SLC2A9: variants seen among roughly 807,000 people sequenced by gnomAD.
The protein encoded by SLC2A9 is solute carrier family 2 member 9, also known as solute carrier family 2, facilitated glucose transporter member 9.
A neutral mutation model predicts 50.6 loss-of-function variants in SLC2A9; 39 were observed. The observed-to-expected ratio is 0.77, with a 90% CI of 0.60 to 1.01. SLC2A9 has a LOEUF of 1.01. Ranked by LOEUF, SLC2A9 falls within the 50% of genes least tolerant of loss-of-function variation. SLC2A9 has a pLI of 0.00. For synonymous variants in SLC2A9, 324 were observed against 276.9 expected (o/e 1.17, Z -1.69); for missense variants, 686 against 677.6 (o/e 1.01, Z -0.14).
At chr4:9,920,606 G>C (rs760911947) in intron 6 of SLC2A9, 34 bp from the exon 7 acceptor site, 1 of 1,613,052 alleles carries the variant, frequency 6.2e-7, no homozygotes, top group East Asian at 2.2e-5. Flanking sequence ...CTTTCAGCAG[G>C]GATTAGAGTG....
intron 3 of SLC2A9, among the ~76,000 whole-genome samples, chr4:9,788,356 A>ATTTTTTT (rs36144026): frequency 7.3e-6 from 1 of 136,872 alleles, no homozygotes; most frequent in Non-Finnish European, 1.5e-5. Flanking sequence ...TGCCCAGGTA[A>ATTTTTTT]TTTTTTTTTT....
intron 10 of SLC2A9, among the ~76,000 whole-genome samples, chr4:9,873,731 G>A (rs1733821728): frequency 6.6e-6 from 1 of 152,192 alleles, no homozygotes; most frequent in African/African-American, 2.4e-5. Context: ...TGAGATCAAA[G>A]AAGCCTGGGC....
chr4:10,012,877 C>T (rs1483602385), intron 2 of SLC2A9, among the ~76,000 whole-genome samples: 1 of 152,112 alleles, frequency 6.6e-6, no homozygotes, highest in Non-Finnish European at 1.5e-5. Context: ...GCCCCAGGTA[C>T]CGTGTAAGTC....
intron 5 of SLC2A9, among the ~76,000 whole-genome samples, chr4:9,957,906 T>C (rs1751585337): frequency 1.3e-5 from 2 of 152,018 alleles, no homozygotes; most frequent in Admixed American, 1.3e-4. Context: ...AACATAATGA[T>C]CTAGAATGAA....
downstream of SLC2A9, among the ~76,000 whole-genome samples, chr4:9,775,283 C>G (rs1175114663): frequency 6.6e-6 from 1 of 152,158 alleles, no homozygotes; most frequent in African/African-American, 2.4e-5. Context: ...CTCTCATGAG[C>G]AAAGTTTCCA....
intron 7 of SLC2A9, among the ~76,000 whole-genome samples, chr4:9,917,505 A>G (rs539664906): frequency 6.6e-5 from 10 of 151,542 alleles, no homozygotes; most frequent in Non-Finnish European, 1.2e-4. Flanking sequence ...GCTAATTTTT[A>G]TATTTAGTAG....
rs779863644 is a variant in SLC2A9 at position 9,826,439 on chromosome 4, G to A, written c.1581C>T (p.Ile527=). ...RNKAYPPEEK[I]DSAVTDGKIN... is the part of the protein sequence containing the mutation. The stretch of plus-strand genomic sequence containing the variant: ...TCTTACCATCAGTGACAGCTGAGTC[G>A]ATTTTCTCTTCTGGTGGGTATGCTT... The change falls in exon 12 of 12, where the codon ATC becomes ATT. Residue 527 remains isoleucine, a synonymous_variant. Transcript: ENST00000264784. 1.1e-5 allele frequency: 17 copies of A among 1,614,052 alleles called. No homozygotes were observed. Among genetic ancestry groups the A allele is most frequent in the South Asian group, 2.2e-5 (2 of 91,072 alleles).
downstream of SLC2A9, among the ~76,000 whole-genome samples, chr4:9,779,117 A>G (rs568952945): frequency 2.6e-5 from 4 of 152,276 alleles, no homozygotes; most frequent in South Asian, 6.2e-4. Context: ...CCCAGATGAG[A>G]GAACTGAAGC....
chr4:9,997,529 G>C (rs1225625669), intron 2 of SLC2A9, among the ~76,000 whole-genome samples: 1 of 152,126 alleles, frequency 6.6e-6, no homozygotes, highest in Non-Finnish European at 1.5e-5. Flanking sequence ...GTGAAACCCT[G>C]TCTCTACTAA....
At chr4:9,941,810 T>C (rs1188908590) in intron 6 of SLC2A9, 103 bp downstream of exon 6, 19 of 1,530,578 alleles carry the variant, frequency 1.2e-5, no homozygotes, top group Non-Finnish European at 1.7e-5. Flanking sequence ...AAAGGAACAA[T>C]GACAACACCC....
At chr4:9,992,202 C>CA (rs1319086969) in intron 3 of SLC2A9, among the ~76,000 whole-genome samples, 8 of 152,148 alleles carry the variant, frequency 5.3e-5, no homozygotes, top group African/African-American at 1.9e-4. Context: ...ACCATGGCTT[C>CA]AGGAGTGGAT....
intron 10 of SLC2A9, among the ~76,000 whole-genome samples, chr4:9,857,358 C>T (rs1730894472): frequency 6.6e-6 from 1 of 152,182 alleles, no homozygotes; most frequent in Non-Finnish European, 1.5e-5. Context: ...GAAGATAGAG[C>T]CCGGAAGGAG....
At chr4:9,882,008 G>T (rs1354581245) in intron 10 of SLC2A9, among the ~76,000 whole-genome samples, 1 of 152,160 alleles carries the variant, frequency 6.6e-6, no homozygotes. Context: ...TATGATTTAG[G>T]TGTCTTTGAA....
chr4:10,014,499 T>C (rs1023900367), intron 2 of SLC2A9, among the ~76,000 whole-genome samples: 1 of 152,208 alleles, frequency 6.6e-6, no homozygotes, highest in Non-Finnish European at 1.5e-5. Context: ...TTCTGGCCTC[T>C]GCAACCTTTC....
chr4:9,834,090 A>G (rs1203377248), intron 11 of SLC2A9, among the ~76,000 whole-genome samples: 2 of 152,134 alleles, frequency 1.3e-5, no homozygotes, highest in Non-Finnish European at 2.9e-5. Flanking sequence ...GCCCTGCCTA[A>G]GGGCCCTTGC....
At chr4:9,849,646 G>A (rs996308827) in intron 10 of SLC2A9, among the ~76,000 whole-genome samples, 5 of 152,194 alleles carry the variant, frequency 3.3e-5, no homozygotes, top group Admixed American at 6.5e-5. Flanking sequence ...GCCATGAAAG[G>A]CCAAATTGAC....
chr4:9,782,603 G>C, intron 3 of SLC2A9: 1 of 1,613,950 alleles, frequency 6.2e-7, no homozygotes, highest in Non-Finnish European at 8.5e-7. Flanking sequence ...GGGCGGGCTG[G>C]ACCTGCCAAA....
intron 3 of SLC2A9, among the ~76,000 whole-genome samples, chr4:9,788,765 G>A (rs1223495283): frequency 6.6e-6 from 1 of 152,144 alleles, no homozygotes; most frequent in African/African-American, 2.4e-5. Flanking sequence ...CCTTTAAGTT[G>A]ATTCTTGTGT....
At chr4:10,038,961 G>A (rs1289679732) in intron 1 of SLC2A9, among the ~76,000 whole-genome samples, 1 of 152,208 alleles carries the variant, frequency 6.6e-6, no homozygotes, top group African/African-American at 2.4e-5. Flanking sequence ...AATTTCTGTT[G>A]CTCTCACAAC....
Sources: gnomAD v4.1 joint callset for allele counts (sites outside exome capture counted in the v4.1 genomes callset) on GRCh38, gnomAD v4.1.1 for gene constraint, MANE v1.5 for transcripts, NCBI Gene and HGNC (gene_info 2026-07-23, HGNC 2026-07-21) for gene names.